Variants in ADGRA3 observed in about 807,000 individuals in gnomAD.
The protein encoded by ADGRA3 is G-protein coupled receptor 125.
ADGRA3 carries 56 observed loss-of-function variants against 119.8 expected under a neutral mutation model. The ratio of observed to expected loss-of-function variants is 0.47; its 90% CI spans 0.38 to 0.58. The LOEUF is 0.58. Among genes scored for constraint, ADGRA3 ranks in the 20% least tolerant of loss-of-function variants. ADGRA3 has a pLI of 0.00. For synonymous variants in ADGRA3, 607 were observed against 623.8 expected (o/e 0.97, Z 0.40); for missense variants, 1,516 against 1,649.0 (o/e 0.92, Z 1.40).
At chr4:22,457,997 G>C (rs962296471) in intron 3 of ADGRA3, among the ~76,000 whole-genome samples, 2 of 152,172 alleles carry the variant, frequency 1.3e-5, no homozygotes, top group Admixed American at 6.5e-5. Context: ...AACACAGAGG[G>C]AGGGGATAAG....
At chr4:22,514,912 A>C (rs888698006) in intron 1 of ADGRA3, among the ~76,000 whole-genome samples, 1 of 152,196 alleles carries the variant, frequency 6.6e-6, no homozygotes, top group African/African-American at 2.4e-5. Flanking sequence ...TTTAAATATA[A>C]GCCCTCACAG....
intron 2 of ADGRA3, among the ~76,000 whole-genome samples, chr4:22,465,383 G>A (rs1238610166): frequency 2.0e-5 from 3 of 152,120 alleles, no homozygotes; most frequent in African/African-American, 7.2e-5. Context: ...CTAAACCTAG[G>A]ACTTGTGGGA....
At chr4:22,444,615 C>T (rs748817374) in intron 6 of ADGRA3, among the ~76,000 whole-genome samples, 3 of 152,128 alleles carry the variant, frequency 2.0e-5, no homozygotes, top group Non-Finnish European at 4.4e-5. Context: ...AAGGCTGTAT[C>T]GTTCACATTC....
At chr4:22,499,518 C>T (rs923861555) in intron 1 of ADGRA3, among the ~76,000 whole-genome samples, 3 of 152,290 alleles carry the variant, frequency 2.0e-5, no homozygotes, top group East Asian at 3.9e-4. Flanking sequence ...CAGTTCCCTG[C>T]TCACCTAGTA....
At chr4:22,443,776 G>T (rs999214378) in intron 6 of ADGRA3, among the ~76,000 whole-genome samples, 3 of 152,042 alleles carry the variant, frequency 2.0e-5, no homozygotes, top group African/African-American at 7.2e-5. Flanking sequence ...GATACAAAAA[G>T]GTCTTAACAC....
At chr4:22,487,886 T>C (rs941091188) in intron 1 of ADGRA3, among the ~76,000 whole-genome samples, 9 of 152,234 alleles carry the variant, frequency 5.9e-5, no homozygotes, top group South Asian at 4.2e-4. Context: ...TTACAGAATG[T>C]TGAATTACAG....
At chr4:22,411,047 A>C (rs1715178774) in intron 14 of ADGRA3, among the ~76,000 whole-genome samples, 1 of 152,224 alleles carries the variant, frequency 6.6e-6, no homozygotes, top group South Asian at 2.1e-4. Context: ...TCACAAATAG[A>C]TGCTTTAAAC....
At chr4:22,414,638 G>A in intron 12 of ADGRA3, 1 of 692,554 alleles carries the variant, frequency 1.4e-6, no homozygotes. Context: ...TGTTATTCCA[G>A]TTTAAATAAC....
intron 11 of ADGRA3, among the ~76,000 whole-genome samples, chr4:22,423,960 A>T (rs1478082825): frequency 6.6e-6 from 1 of 152,264 alleles, no homozygotes; most frequent in Non-Finnish European, 1.5e-5. Flanking sequence ...AAATGTTAGA[A>T]GAAATTCTGT....
chr4:22,492,685 T>G (rs187861961), intron 1 of ADGRA3, among the ~76,000 whole-genome samples: 236 of 152,100 alleles, frequency 1.6e-3, no homozygotes, highest in African/African-American at 5.4e-3. Context: ...TTTTAAAGAG[T>G]GTGGTAAATG....
intron 11 of ADGRA3, 99 bp downstream of exon 11, chr4:22,424,092 A>G: frequency 1.2e-6 from 1 of 863,422 alleles, no homozygotes; most frequent in Non-Finnish European, 1.6e-6. Context: ...GTAAGAGAAG[A>G]TATCCACCCC....
intron 14 of ADGRA3, 64 bp downstream of exon 14, chr4:22,413,118 A>T: frequency 8.5e-7 from 1 of 1,174,610 alleles, no homozygotes; most frequent in Non-Finnish European, 1.2e-6. Flanking sequence ...ACTTCATTTG[A>T]GCTTAATTAT....
At chr4:22,504,323 G>A (rs1163160115) in intron 1 of ADGRA3, among the ~76,000 whole-genome samples, 1 of 152,062 alleles carries the variant, frequency 6.6e-6, no homozygotes, top group Non-Finnish European at 1.5e-5. Context: ...ATGATGAGGC[G>A]CTAAAAGAAA....
At chr4:22,505,129 T>C (rs962870191) in intron 1 of ADGRA3, among the ~76,000 whole-genome samples, 1 of 152,104 alleles carries the variant, frequency 6.6e-6, no homozygotes, top group Non-Finnish European at 1.5e-5. Flanking sequence ...ATCTGTGTCA[T>C]GGCATGAAAA....
At chr4:22,493,303 A>G (rs1168637478) in intron 1 of ADGRA3, among the ~76,000 whole-genome samples, 2 of 152,096 alleles carry the variant, frequency 1.3e-5, no homozygotes, top group African/African-American at 4.8e-5. Context: ...AATCTCATCT[A>G]ACACTCAGGC....
intron 4 of ADGRA3, among the ~76,000 whole-genome samples, chr4:22,451,610 C>A (rs964547): frequency 0.096 from 14,378 of 149,432 alleles, 1,572 homozygotes; most frequent in African/African-American, 0.26. Context: ...GTTGTTTTTT[C>A]TAAAAAAAAA....
intron 2 of ADGRA3, among the ~76,000 whole-genome samples, chr4:22,468,584 C>T (rs1334525447): frequency 6.6e-6 from 1 of 151,966 alleles, no homozygotes; most frequent in Non-Finnish European, 1.5e-5. Flanking sequence ...GCCTGGCCAA[C>T]GTGGTGAAAC....
In ADGRA3 at chr4:22,388,044, G is replaced by A. The variant is rs1713918558; in HGVS notation, c.3627C>T (p.Ser1209=). Residue 1209 remains serine, a synonymous_variant, in exon 19 of 19, where the codon AGC becomes AGT. Transcript: ENST00000334304. The stretch of plus-strand genomic sequence containing the variant: ...AGTGTCCTTCGTTATTGCCCAGCCG[G>A]CTTTTAGGTAAGCCGTTCTGCACGC... ...EGSVQNGLPK[S]RLGNNEGHSR... The A allele has an allele frequency of 1.2e-6, 2 of 1,614,126 alleles. No homozygotes were observed. The highest frequency in any genetic ancestry group is 1.7e-6 in the Non-Finnish European group (2 of 1,180,018).
At chr4:22,456,228 A>G (rs1285732054) in intron 3 of ADGRA3, among the ~76,000 whole-genome samples, 1 of 152,064 alleles carries the variant, frequency 6.6e-6, no homozygotes, top group Admixed American at 6.6e-5. Flanking sequence ...GAGATGGTTT[A>G]ATTTTAGGTG....
Sources: allele counts gnomAD v4.1 joint callset (sites outside exome capture counted in the v4.1 genomes callset), GRCh38; gene constraint gnomAD v4.1.1; transcripts MANE v1.5; gene names NCBI Gene and HGNC (gene_info 2026-07-23, HGNC 2026-07-21).